AFF2: variants seen among roughly 807,000 people sequenced by gnomAD.
AFF2 encodes ALF transcription elongation factor 2.
In AFF2, 14 loss-of-function variants were observed where a neutral mutation model predicts 76.9. The ratio of observed to expected loss-of-function variants is 0.18; its 90% CI spans 0.12 to 0.28. The LOEUF (loss-of-function observed/expected upper bound fraction) is 0.28. AFF2 is among the 10% of genes least tolerant of loss of function. AFF2 has a pLI of 1.00. For missense variants in AFF2, 868 were observed against 1,001.1 expected, an observed-to-expected ratio of 0.87 and a Z score of 1.79; for synonymous variants, 398 against 366.7, an observed-to-expected ratio of 1.09 and a Z score of -0.98.
chrX:148,676,958 G>A lies in AFF2; in HGVS notation c.1041+14190G>A, dbSNP rs782459335. 2.2e-4 allele frequency among the ~76,000 whole-genome samples: 24 copies of A among 111,336 alleles called. 1 individual carries two copies. The South Asian group carries it at 8.8e-3, about 41-fold the overall frequency. On this transcript the variant is annotated intron_variant, in intron 3 of 20. Transcript: ENST00000370460. ...ATGTTTCAGAAAGTCCATCTTGACA[G>A]GATGATTGGCAGGGGAGTTGGGGGA...
intron 1 of AFF2, among the ~76,000 whole-genome samples, chrX:148,578,603 A>C (rs1174944458): frequency 1.8e-5 from 2 of 112,081 alleles, no homozygotes; most frequent in African/African-American, 6.5e-5. Flanking sequence ...TGCCCAATAC[A>C]TGTTCCTGGC....
chrX:148,743,556 T>C (rs1157717550), intron 3 of AFF2, among the ~76,000 whole-genome samples: 1 of 111,282 alleles, frequency 9.0e-6, no homozygotes, highest in African/African-American at 3.3e-5. Flanking sequence ...TGTTTGTGAG[T>C]GTGTGTATCG....
chrX:148,636,492 ACC>A (rs1339640785), intron 1 of AFF2, among the ~76,000 whole-genome samples: 3 of 112,248 alleles, frequency 2.7e-5, no homozygotes, highest in Admixed American at 9.5e-5. Context: ...ATGGGCCTGC[ACC>A]CTTCTATTTC....
chrX:148,783,885 G>C (rs2069778090), intron 3 of AFF2, among the ~76,000 whole-genome samples: 1 of 111,710 alleles, frequency 9.0e-6, no homozygotes, highest in African/African-American at 3.3e-5. Flanking sequence ...CCAAGCATCA[G>C]ATTCTACAGG....
At chrX:148,979,038 A>C (rs1251574818) in intron 18 of AFF2, among the ~76,000 whole-genome samples, 1 of 111,957 alleles carries the variant, frequency 8.9e-6, no homozygotes, top group Non-Finnish European at 1.9e-5. Context: ...TGCAACGCCA[A>C]AATTTGAGAA....
chrX:148,903,960 G>C (rs189028106), intron 8 of AFF2, among the ~76,000 whole-genome samples: 46 of 111,459 alleles, frequency 4.1e-4, no homozygotes, highest in Non-Finnish European at 7.7e-4. Flanking sequence ...TATGGTCCCT[G>C]ATGAACTTTC....
chrX:148,991,080 A>G (rs1372305438), intron 20 of AFF2, 131 bp from the exon 21 acceptor site: 4 of 734,888 alleles, frequency 5.4e-6, no homozygotes, highest in Non-Finnish European at 7.6e-6. Context: ...TGTTGAATGA[A>G]TGAATGGACA....
At chrX:148,784,355 A>G (rs1224687658) in intron 3 of AFF2, among the ~76,000 whole-genome samples, 6 of 111,996 alleles carry the variant, frequency 5.4e-5, no homozygotes, top group African/African-American at 2.0e-4. Flanking sequence ...ACGACTCAAG[A>G]AAAATGGGAC....
At position 148,686,803 on chromosome X, in the gene AFF2, G is replaced by C. The variant is rs1298336340; in HGVS notation, c.1041+24035G>C. 4.5e-5 allele frequency among the ~76,000 whole-genome samples: 5 copies of C among 111,448 alleles called. No homozygotes were observed. In the Admixed American group the frequency reaches 4.8e-4, roughly 11 times the overall value. On this transcript the variant is annotated intron_variant, in intron 3 of 20. Transcript: ENST00000370460. ...TCCTATTGGGGTCCTTTGGGTGCAT[G>C]CCTGTATTCTGTTAGTGCTGTTTAG...
At chrX:148,930,662 G>A (rs191442895) in intron 9 of AFF2, among the ~76,000 whole-genome samples, 76 of 112,380 alleles carry the variant, frequency 6.8e-4, no homozygotes, top group Admixed American at 3.1e-3. Flanking sequence ...CCCAAACCAC[G>A]TATGTGTATC....
In AFF2 at chrX:148,955,622, A is replaced by C. The variant is rs2072024007; in HGVS notation, c.1577A>C (p.Asn526Thr). The C allele has an allele frequency of 8.3e-7, 1 of 1,203,122 alleles. No homozygotes were observed. Among genetic ancestry groups the C allele is most frequent in the Non-Finnish European group, 1.1e-6 (1 of 892,550 alleles). The change falls in exon 11 of 21, where the codon AAC becomes ACC. Residue 526 changes from asparagine to threonine, a missense_variant. Physicochemically the swap from Asn to Thr is moderately conservative, Grantham distance 65. This residue lies in a region of AFF2 where 532 missense variants were observed against 564.2 expected (regional missense o/e 0.94). Coordinates refer to ENST00000370460, the MANE Select transcript of AFF2 (RefSeq NM_002025.4). Reference protein sequence around the residue: ...ATPEPEPPSTNKWQLDKWLNK... With the variant: ...ATPEPEPPSTTKWQLDKWLNK... The stretch of plus-strand genomic sequence containing the variant: ...CTGCAGCCTGAGCCACCCTCAACCA[A>C]CAAGTGGCAACTGGATAAATGGCTT...
At chrX:148,736,360 G>A (rs1291784650) in intron 3 of AFF2, among the ~76,000 whole-genome samples, 1 of 111,796 alleles carries the variant, frequency 8.9e-6, no homozygotes, top group Non-Finnish European at 1.9e-5. Flanking sequence ...GCATTTCCCT[G>A]ATCACTAGTG....
In AFF2 at chrX:148,881,325, T is replaced by C. The variant is rs138602026; in HGVS notation, c.1263-4564T>C. ...GTGTGTTGGAACAGCTTCCTGAGAG[T>C]GACAGGCCTAAAGACACGGTGCTCA... On this transcript the variant is annotated intron_variant, in intron 7 of 20. Coordinates refer to ENST00000370460, the MANE Select transcript of AFF2 (RefSeq NM_002025.4). 5.6e-3 allele frequency among the ~76,000 whole-genome samples: 623 copies of C among 111,319 alleles called. 2 individuals are homozygous for C. Among genetic ancestry groups the C allele is most frequent in the African/African-American group, 0.019 (590 of 30,624 alleles).
intron 3 of AFF2, among the ~76,000 whole-genome samples, chrX:148,792,688 A>G (rs2069914027): frequency 8.9e-6 from 1 of 112,252 alleles, no homozygotes. Flanking sequence ...TCTAGGATGG[A>G]CTAAGCCTGA....
chrX:148,855,343 G>A (rs2070775722), intron 7 of AFF2, among the ~76,000 whole-genome samples: 1 of 111,508 alleles, frequency 9.0e-6, no homozygotes, highest in Admixed American at 9.5e-5. Context: ...TTCTACCTGT[G>A]AGGACTGTGG....
intron 9 of AFF2, among the ~76,000 whole-genome samples, chrX:148,911,048 C>T (rs377672465): frequency 9.2e-6 from 1 of 108,235 alleles, no homozygotes; most frequent in Non-Finnish European, 1.9e-5. Context: ...CCTGTTAGTT[C>T]GATGTAGATT....
At chrX:148,685,278 G>A (rs1557260251) in intron 3 of AFF2, among the ~76,000 whole-genome samples, 1 of 111,862 alleles carries the variant, frequency 8.9e-6, no homozygotes, top group Admixed American at 9.5e-5. Flanking sequence ...ATGACCAGTG[G>A]CTTAAAGTAA....
chrX:148,920,983 C>T (rs180824789), intron 9 of AFF2, among the ~76,000 whole-genome samples: 2 of 111,057 alleles, frequency 1.8e-5, no homozygotes, highest in African/African-American at 6.5e-5. Context: ...CATATGGAGC[C>T]GCTGCAGCAA....
chrX:148,726,416 A>G (rs994040504), intron 3 of AFF2, among the ~76,000 whole-genome samples: 2 of 111,696 alleles, frequency 1.8e-5, no homozygotes, highest in Non-Finnish European at 3.8e-5. Flanking sequence ...TCTTATCGGT[A>G]TAGGGAACTG....
Sources: gnomAD v4.1 joint callset for allele counts (sites outside exome capture counted in the v4.1 genomes callset) on GRCh38, gnomAD v4.1.1 for gene constraint, gnomAD v4.1.1 regional missense constraint, MANE v1.5 for transcripts, NCBI Gene and HGNC (gene_info 2026-07-23, HGNC 2026-07-21) for gene names.